Variants in CRNKL1 observed in about 807,000 individuals in gnomAD.
CRNKL1 encodes the protein crooked neck-like protein 1.
Under a neutral mutation model 103.7 loss-of-function variants are expected in CRNKL1, and 35 were observed. The ratio of observed to expected loss-of-function variants is 0.34; its 90% CI spans 0.26 to 0.45. CRNKL1 has a LOEUF of 0.45. CRNKL1 is among the 20% of genes least tolerant of loss of function. The pLI, the probability that CRNKL1 is intolerant of heterozygous loss-of-function variation, is 1.00. For missense variants in CRNKL1, 645 were observed against 836.0 expected, an observed-to-expected ratio of 0.77 and a Z score of 2.82; for synonymous variants, 267 against 282.6, an observed-to-expected ratio of 0.94 and a Z score of 0.55.
At chr20:20,054,009 G>GGT (rs2044028425), upstream of CRNKL1, among the ~76,000 whole-genome samples, 1 of 88,854 alleles carries the variant, frequency 1.1e-5, no homozygotes, top group Non-Finnish European at 2.6e-5. Context: ...TGTTTTTTTT[G>GGT]TTTGTTTTTT....
chr20:20,037,672 A>G, intron 12 of CRNKL1, 101 bp from the exon 13 acceptor site: 1 of 1,078,302 alleles, frequency 9.3e-7, no homozygotes, highest in Non-Finnish European at 1.3e-6. Context: ...ATCGGAAAGT[A>G]ATGTGTGCAT....
upstream of CRNKL1, among the ~76,000 whole-genome samples, chr20:20,055,684 G>C (rs774561032): frequency 6.6e-6 from 1 of 152,020 alleles, no homozygotes; most frequent in African/African-American, 2.4e-5. Context: ...ATTAGTTTAT[G>C]ATATGTTTCA....
intron 9 of CRNKL1, among the ~76,000 whole-genome samples, 176 bp from the exon 10 acceptor site, chr20:20,040,942 T>C (rs2043502798): frequency 6.6e-6 from 1 of 152,204 alleles, no homozygotes; most frequent in Non-Finnish European, 1.5e-5. Context: ...TCACAAAAGT[T>C]AGAAACCCAC....
chr20:20,054,027 T>TTG (rs2044051323), upstream of CRNKL1, among the ~76,000 whole-genome samples: 1 of 149,780 alleles, frequency 6.7e-6, no homozygotes, highest in Admixed American at 6.6e-5. Context: ...TTTTTTTTTT[T>TTG]TTTTTTTAGG....
chr20:20,052,427 T>G lies in CRNKL1; in HGVS notation c.-85A>C. 6.2e-7 allele frequency: 1 copy of G among 1,614,032 alleles called. No individual in the cohort carries two copies. ...GAGAGCTCACCGAAACCACAAAGCT[T>G]TCAGAAAACAAACAGGATCTCGGAA... On this transcript the variant is annotated 5_prime_UTR_variant, in exon 1 of 14. Transcript: ENST00000536226.
In CRNKL1 at chr20:20,036,280, A is replaced by G. The variant is rs372098851; in HGVS notation, c.1979T>C (p.Met660Thr). The stretch of plus-strand genomic sequence containing the variant: ...CTGCTGTTTCTTCCACAGTTTGGCC[A>G]TGGCCAGGAGTTTGAGGTTAGGTTG... The part of the protein sequence containing the change: ...ANQPNLKLLA[M>T]AKLWKKQQQE... The change falls in exon 14 of 14, where the codon ATG becomes ACG. Residue 660 changes from methionine (M) to threonine (T), a missense_variant. Around this residue, in one of 2 missense-constraint regions of CRNKL1, gnomAD observed 582 missense variants for 707.7 expected, o/e 0.82. Transcript: ENST00000536226. The G allele has an allele frequency of 2.2e-5, 35 of 1,614,172 alleles. No individual in the cohort carries two copies. In the African/African-American group the frequency reaches 4.1e-4, roughly 19 times the overall value.
chr20:20,041,820 C>T (rs2043518939), intron 8 of CRNKL1, among the ~76,000 whole-genome samples, 195 bp from the exon 9 acceptor site: 1 of 152,206 alleles, frequency 6.6e-6, no homozygotes, highest in Non-Finnish European at 1.5e-5. Context: ...GAATCACCAA[C>T]AAGATAGCCA....
intron 8 of CRNKL1, 96 bp downstream of exon 8, chr20:20,042,229 C>T (rs1413699801): frequency 2.6e-6 from 3 of 1,145,946 alleles, no homozygotes; most frequent in Non-Finnish European, 3.6e-6. Context: ...AACTAAATTT[C>T]CTTCTTTCAA....
chr20:20,055,028 T>G (rs989214876), upstream of CRNKL1, among the ~76,000 whole-genome samples: 2 of 152,212 alleles, frequency 1.3e-5, no homozygotes, highest in Non-Finnish European at 2.9e-5. Flanking sequence ...TCTATGTGCT[T>G]CTTTCTAGAT....
At chr20:20,050,277 A>T (rs1374135677) in intron 2 of CRNKL1, among the ~76,000 whole-genome samples, 193 bp downstream of exon 2, 1 of 152,236 alleles carries the variant, frequency 6.6e-6, no homozygotes, top group East Asian at 1.9e-4. Context: ...TTTACACTTT[A>T]ACCAGACAAC....
At position 20,036,234 on chromosome 20, in the gene CRNKL1, C is replaced by A; in HGVS notation, c.2025G>T (p.Glu675Asp). The part of the protein sequence containing the change: ...KKQQQEKEDA[E>D]HHPDEDVDES... Reference sequence around the variant, plus strand: ...CATCGACGTCCTCATCTGGATGGTGCTCAGCATCCTCCTTTTCCTGCTGCT... The same window carrying A: ...CATCGACGTCCTCATCTGGATGGTGATCAGCATCCTCCTTTTCCTGCTGCT... The change falls in exon 14 of 14, where the codon GAG becomes GAT. Residue 675 changes from glutamate (E) to aspartate (D), a missense_variant. By Grantham distance (45) the Glu-to-Asp change is conservative (BLOSUM62 2). This residue lies in a region of CRNKL1 where 582 missense variants were observed against 707.7 expected (regional missense o/e 0.82). Coordinates refer to ENST00000536226, the MANE Select transcript of CRNKL1 (RefSeq NM_001278628.2). 1.2e-6 allele frequency: 2 copies of A among 1,614,176 alleles called. No individual in the cohort carries two copies. The highest frequency in any genetic ancestry group is 1.7e-6 in the Non-Finnish European group (2 of 1,180,016).
intron 13 of CRNKL1, 34 bp from the exon 14 acceptor site, chr20:20,036,396 G>T: frequency 6.2e-7 from 1 of 1,602,658 alleles, no homozygotes; most frequent in Non-Finnish European, 8.5e-7. Flanking sequence ...ATAAGCAAAC[G>T]TGGGTGATAT....
At chr20:20,047,696 C>T in intron 5 of CRNKL1, 69 bp downstream of exon 5, 4 of 1,487,004 alleles carry the variant, frequency 2.7e-6, no homozygotes, top group South Asian at 2.5e-5. Context: ...GATCATGAGA[C>T]ATCTCTACAG....
In CRNKL1 at chr20:20,040,762, G is replaced by A; in HGVS notation, c.1229C>T (p.Thr410Ile). Residue 410 changes from threonine to isoleucine, a missense_variant, in exon 10 of 14, where the codon ACA becomes ATA. This residue lies in a region of CRNKL1 where 582 missense variants were observed against 707.7 expected (regional missense o/e 0.82). Transcript: ENST00000536226. ...ATACAGTATCCACATTTTGGCAAAT[G>A]TGAACTAGAAAACAAAAGCACAAAA... ...SLELIPHKKF[T>I]FAKMWILYAQ... The A allele has an allele frequency of 1.2e-6, 2 of 1,605,952 alleles. No individual in the cohort carries two copies. The highest frequency in any genetic ancestry group is 1.1e-5 in the South Asian group (1 of 89,112).
intron 3 of CRNKL1, among the ~76,000 whole-genome samples, chr20:20,048,919 T>C (rs976400086): frequency 3.3e-5 from 5 of 151,812 alleles, no homozygotes; most frequent in Admixed American, 6.6e-5. Context: ...ATTCAGGGAG[T>C]GGCACATACA....
intron 12 of CRNKL1, 129 bp from the exon 13 acceptor site, chr20:20,037,700 T>TG: frequency 1.3e-6 from 1 of 783,568 alleles, no homozygotes; most frequent in Non-Finnish European, 2.0e-6. Flanking sequence ...GTTTCACAGA[T>TG]GAAAACAATG....
intron 11 of CRNKL1, 139 bp from the exon 12 acceptor site, chr20:20,038,589 T>C: frequency 1.8e-6 from 1 of 556,780 alleles, no homozygotes; most frequent in Non-Finnish European, 3.1e-6. Flanking sequence ...CACATGTGGA[T>C]AAGATAAATA....
chr20:20,050,399 A>G, intron 2 of CRNKL1, 71 bp downstream of exon 2: 1 of 1,401,740 alleles, frequency 7.1e-7, no homozygotes, highest in African/African-American at 1.4e-5. Flanking sequence ...AATCCAACCA[A>G]TGAGGAGCTT....
At position 20,038,455 on chromosome 20, in the gene CRNKL1, G is replaced by C. The variant is rs1338238541; in HGVS notation, c.1546-5C>G. 2 of 1,528,876 alleles carry C rather than the reference G, an allele frequency of 1.3e-6. No homozygotes were observed. Among genetic ancestry groups the C allele is most frequent in the Non-Finnish European group, 1.8e-6 (2 of 1,126,460 alleles). 94.7% of individuals were successfully genotyped at this position (1,528,876 alleles called of 1,614,324 possible). Reference sequence around the variant, plus strand: ...AATATATGATTTCCAAAGCACCTAAGGAAGAAAAGTAAATGGGTCAGTCTT... The same window carrying C: ...AATATATGATTTCCAAAGCACCTAACGAAGAAAAGTAAATGGGTCAGTCTT... On this transcript the variant is annotated splice_region_variant and splice_polypyrimidine_tract_variant and intron_variant, in intron 11 of 13. Coordinates refer to ENST00000536226, the MANE Select transcript of CRNKL1 (RefSeq NM_001278628.2).
Sources: gnomAD v4.1 joint callset for allele counts (sites outside exome capture counted in the v4.1 genomes callset) on GRCh38, gnomAD v4.1.1 for gene constraint, gnomAD v4.1.1 regional missense constraint, MANE v1.5 for transcripts, NCBI Gene and HGNC (gene_info 2026-07-23, HGNC 2026-07-21) for gene names.